Variants in NOX4 observed in about 807,000 individuals in gnomAD.
NOX4 encodes NADPH oxidase 4, also known as kidney oxidase-1.
NOX4 carries 69 observed loss-of-function variants against 87.6 expected under a neutral mutation model. The ratio of observed to expected loss-of-function variants is 0.79; its 90% CI spans 0.65 to 0.96. The LOEUF (loss-of-function observed/expected upper bound fraction) is 0.96. Ranked by LOEUF, NOX4 falls within the 40% of genes least tolerant of loss-of-function variation. NOX4 has a pLI of 0.00. For synonymous variants in NOX4, 275 were observed against 238.2 expected (o/e 1.15, Z -1.42); for missense variants, 680 against 681.5 (o/e 1.00, Z 0.02).
chr11:89,401,359 T>G (rs1158076932), intron 9 of NOX4, among the ~76,000 whole-genome samples: 1 of 152,064 alleles, frequency 6.6e-6, no homozygotes, highest in Non-Finnish European at 1.5e-5. Context: ...CCTGCCCTAA[T>G]ATTTGTGAAT....
In NOX4 at chr11:89,395,441, C is replaced by T. The variant is rs552950710; in HGVS notation, c.1074+4576G>A. The stretch of plus-strand genomic sequence containing the variant: ...TTGGTAGATTGCAAAAATTTTCTCC[C>T]ATTCTGTAGGTTGCCTGTTCACTCT... On this transcript the variant is annotated intron_variant, in intron 11 of 17. Transcript: ENST00000263317. Among the ~76,000 whole-genome samples the T allele has an allele frequency of 2.0e-4, 30 of 152,262 alleles. No homozygotes were observed. The South Asian group carries it at 2.3e-3, about 12-fold the overall frequency.
chr11:89,453,812 T>C (rs1187441888), intron 2 of NOX4, among the ~76,000 whole-genome samples: 3 of 152,198 alleles, frequency 2.0e-5, no homozygotes, highest in Non-Finnish European at 4.4e-5. Context: ...CCAGCATTTA[T>C]ACTATTAACC....
chr11:89,564,726 T>A, the NOX4 span, among the ~76,000 whole-genome samples: 1 of 146,620 alleles, frequency 6.8e-6, no homozygotes, highest in African/African-American at 2.6e-5. Context: ...GAGGAGTTTT[T>A]TGTTGTTGTT....
intron 2 of NOX4, among the ~76,000 whole-genome samples, chr11:89,468,512 T>C (rs1285259567): frequency 2.6e-5 from 4 of 152,230 alleles, no homozygotes; most frequent in African/African-American, 7.2e-5. Context: ...TTATCTTTTA[T>C]GGAAATTATG....
At chr11:89,419,796 T>C (rs1942992084) in intron 8 of NOX4, among the ~76,000 whole-genome samples, 1 of 151,982 alleles carries the variant, frequency 6.6e-6, no homozygotes, top group South Asian at 2.1e-4. Flanking sequence ...AATCCTCCTC[T>C]TTAAAAAGAA....
At chr11:89,424,558 A>G (rs1035840112) in intron 7 of NOX4, among the ~76,000 whole-genome samples, 3 of 151,930 alleles carry the variant, frequency 2.0e-5, no homozygotes, top group Admixed American at 6.6e-5. Flanking sequence ...ACTCTTGAGT[A>G]TAACCCCAAT....
At chr11:89,357,465 T>C (rs1938157256) in intron 12 of NOX4, among the ~76,000 whole-genome samples, 1 of 152,166 alleles carries the variant, frequency 6.6e-6, no homozygotes, top group Non-Finnish European at 1.5e-5. Context: ...GTAAACTTTC[T>C]GATGATAAAT....
At chr11:89,517,735 A>T in the NOX4 span, among the ~76,000 whole-genome samples, 1 of 151,942 alleles carries the variant, frequency 6.6e-6, no homozygotes, top group Admixed American at 6.6e-5. Context: ...CTCCCACCTC[A>T]GCCTGCCAAA....
At chr11:89,505,528 T>C in the NOX4 span, among the ~76,000 whole-genome samples, 1 of 151,826 alleles carries the variant, frequency 6.6e-6, no homozygotes, top group African/African-American at 2.4e-5. Context: ...CAGATACTAC[T>C]CAGAGGAGTA....
intron 2 of NOX4, among the ~76,000 whole-genome samples, chr11:89,467,249 G>A (rs1044767841): frequency 1.3e-5 from 2 of 150,642 alleles, no homozygotes; most frequent in Admixed American, 6.6e-5. Context: ...TACTAGGGAG[G>A]CTGAGGCAGG....
chr11:89,370,983 A>G (rs1939393480), intron 12 of NOX4, among the ~76,000 whole-genome samples: 1 of 152,038 alleles, frequency 6.6e-6, no homozygotes, highest in Admixed American at 6.6e-5. Flanking sequence ...CATATTAAAT[A>G]TCTCTAAGTC....
At chr11:89,393,625 G>T (rs988986241) in intron 11 of NOX4, among the ~76,000 whole-genome samples, 1 of 152,126 alleles carries the variant, frequency 6.6e-6, no homozygotes, top group Admixed American at 6.6e-5. Context: ...TTAAGATTAT[G>T]AAAGTAATAA....
chr11:89,430,336 G>A (rs1943709569), intron 7 of NOX4, among the ~76,000 whole-genome samples: 1 of 152,132 alleles, frequency 6.6e-6, no homozygotes, highest in Non-Finnish European at 1.5e-5. Context: ...TCAACATAGT[G>A]TTGGAAGTTC....
chr11:89,485,754 A>G (rs1946564811), intron 2 of NOX4, among the ~76,000 whole-genome samples: 1 of 152,184 alleles, frequency 6.6e-6, no homozygotes, highest in Non-Finnish European at 1.5e-5. Flanking sequence ...AAAGGTTGCC[A>G]TGGGGGAGTG....
chr11:89,569,659 G>T, the NOX4 span, among the ~76,000 whole-genome samples: 1 of 152,134 alleles, frequency 6.6e-6, no homozygotes, highest in African/African-American at 2.4e-5. Flanking sequence ...AACTTAAAAT[G>T]GAATTATCGG....
intron 1 of NOX4, among the ~76,000 whole-genome samples, chr11:89,497,264 C>A (rs2135508622): frequency 6.6e-6 from 1 of 152,238 alleles, no homozygotes; most frequent in South Asian, 2.1e-4. Context: ...CACAGTAATT[C>A]CTGTATGTGT....
intron 7 of NOX4, among the ~76,000 whole-genome samples, chr11:89,427,886 T>C (rs976612695): frequency 6.6e-5 from 10 of 152,026 alleles, no homozygotes; most frequent in Non-Finnish European, 1.2e-4. Flanking sequence ...AAGATACTCC[T>C]CGAGAAGACC....
chr11:89,356,447 G>GA (rs1938064564), intron 12 of NOX4, among the ~76,000 whole-genome samples: 1 of 151,612 alleles, frequency 6.6e-6, no homozygotes, highest in African/African-American at 2.4e-5. Context: ...AAGGACAAAG[G>GA]AAAAAATCCT....
At chr11:89,574,949 A>T in the NOX4 span, among the ~76,000 whole-genome samples, 1 of 152,172 alleles carries the variant, frequency 6.6e-6, no homozygotes, top group Non-Finnish European at 1.5e-5. Context: ...TTTGGGAGGC[A>T]GAGGTGGATG....
Sources: allele counts gnomAD v4.1 joint callset (sites outside exome capture counted in the v4.1 genomes callset), GRCh38; gene constraint gnomAD v4.1.1; transcripts MANE v1.5; gene names NCBI Gene and HGNC (gene_info 2026-07-23, HGNC 2026-07-21).